The following SPMIP2 variants were observed in gnomAD, a reference collection of about 807,000 sequenced individuals.
The protein encoded by SPMIP2 is protein SPMIP2.
At chr4:158,976,843 G>T in the SPMIP2 span, among the ~76,000 whole-genome samples, 1 of 151,790 alleles carries the variant, frequency 6.6e-6, no homozygotes, top group Non-Finnish European at 1.5e-5. Context: ...TCTATTTTTA[G>T]TAGAGACGGG....
chr4:158,946,822 T>C, the SPMIP2 span, among the ~76,000 whole-genome samples: 7 of 152,190 alleles, frequency 4.6e-5, no homozygotes, highest in Non-Finnish European at 1.0e-4. Flanking sequence ...ATCTCCCCAA[T>C]AGAAGGTAAA....
the SPMIP2 span, among the ~76,000 whole-genome samples, chr4:158,983,324 C>T: frequency 6.6e-6 from 1 of 151,700 alleles, no homozygotes; most frequent in Non-Finnish European, 1.5e-5. Context: ...CACAGAGATA[C>T]TCCTTGAGAA....
chr4:158,949,076 T>G, the SPMIP2 span, among the ~76,000 whole-genome samples: 1 of 152,204 alleles, frequency 6.6e-6, no homozygotes, highest in Admixed American at 6.5e-5. Context: ...TGTTCTACTT[T>G]TGAAGGATTA....
chr4:158,917,033 G>A, the SPMIP2 span, among the ~76,000 whole-genome samples: 2 of 152,094 alleles, frequency 1.3e-5, no homozygotes, highest in East Asian at 1.9e-4. Flanking sequence ...GGCAGAACAC[G>A]AGGTCAGGGG....
chr4:158,918,986 A>G, the SPMIP2 span, among the ~76,000 whole-genome samples: 16 of 152,236 alleles, frequency 1.1e-4, no homozygotes, highest in Non-Finnish European at 2.4e-4. Context: ...AGGGTCAGAT[A>G]CTTTTCGTTT....
chr4:158,933,764 A>G, the SPMIP2 span, among the ~76,000 whole-genome samples: 4 of 151,762 alleles, frequency 2.6e-5, no homozygotes, highest in Admixed American at 1.3e-4. Flanking sequence ...TTCCTTTACC[A>G]TTGGTATTTT....
At chr4:159,077,287 C>T in the SPMIP2 span, among the ~76,000 whole-genome samples, 4 of 152,192 alleles carry the variant, frequency 2.6e-5, no homozygotes, top group African/African-American at 9.6e-5. Context: ...GCTGGGATTA[C>T]AGGTGCCTGC....
At chr4:158,902,517 G>A in the SPMIP2 span, among the ~76,000 whole-genome samples, 3 of 152,220 alleles carry the variant, frequency 2.0e-5, no homozygotes, top group African/African-American at 7.2e-5. Flanking sequence ...AACGCTGTGT[G>A]GGGGATCCAC....
At chr4:158,914,662 TCTC>T in the SPMIP2 span, among the ~76,000 whole-genome samples, 3 of 152,164 alleles carry the variant, frequency 2.0e-5, no homozygotes, top group African/African-American at 7.2e-5. Flanking sequence ...ATTCTTTAAT[TCTC>T]CTCCTAACTC....
At chr4:158,976,914 C>G in the SPMIP2 span, among the ~76,000 whole-genome samples, 49,631 of 151,870 alleles carry the variant, frequency 0.33, 8,263 homozygotes, top group South Asian at 0.41. Flanking sequence ...CCTGCCTCAG[C>G]CTCCCAAAGT....
the SPMIP2 span, among the ~76,000 whole-genome samples, chr4:158,946,741 C>T: frequency 6.6e-6 from 1 of 152,178 alleles, no homozygotes; most frequent in East Asian, 1.9e-4. Flanking sequence ...ATGCATCTTG[C>T]ATTTCTCCCT....
At chr4:158,965,439 T>C in the SPMIP2 span, among the ~76,000 whole-genome samples, 1 of 152,318 alleles carries the variant, frequency 6.6e-6, no homozygotes, top group Admixed American at 6.5e-5. Flanking sequence ...TCACTATGTG[T>C]GCTCAGTGCA....
At chr4:159,031,955 C>T in the SPMIP2 span, among the ~76,000 whole-genome samples, 6 of 152,186 alleles carry the variant, frequency 3.9e-5, no homozygotes, top group Non-Finnish European at 8.8e-5. Context: ...GTTGTGGTGG[C>T]TCATGCCTGT....
At chr4:158,966,016 T>A in the SPMIP2 span, among the ~76,000 whole-genome samples, 1,207 of 152,336 alleles carry the variant, frequency 7.9e-3, 17 homozygotes, top group African/African-American at 0.027. Flanking sequence ...CTGACAATAA[T>A]CACACTAAAC....
At chr4:158,940,553 TTCC>T in the SPMIP2 span, among the ~76,000 whole-genome samples, 1 of 91,634 alleles carries the variant, frequency 1.1e-5, no homozygotes. Context: ...AATTCTGTTG[TTCC>T]TTCTTTTTTT....
the SPMIP2 span, among the ~76,000 whole-genome samples, chr4:158,933,768 G>T: frequency 7.1e-3 from 1,074 of 151,604 alleles, 14 homozygotes; most frequent in African/African-American, 0.025. Context: ...TTTACCATTG[G>T]TATTTTCTAG....
At chr4:159,017,480 T>C in the SPMIP2 span, among the ~76,000 whole-genome samples, 6 of 152,088 alleles carry the variant, frequency 3.9e-5, no homozygotes, top group Non-Finnish European at 7.4e-5. Context: ...TCTCACTTCA[T>C]TGCCCAAGCT....
At chr4:158,957,442 T>C in the SPMIP2 span, among the ~76,000 whole-genome samples, 1 of 151,340 alleles carries the variant, frequency 6.6e-6, no homozygotes, top group Admixed American at 6.6e-5. Context: ...CTTTTTTCTT[T>C]TTTTGAGACA....
the SPMIP2 span, among the ~76,000 whole-genome samples, chr4:158,954,343 A>G: frequency 8.6e-5 from 5 of 58,428 alleles, no homozygotes; most frequent in Non-Finnish European, 1.3e-4. Context: ...TGCTGGTACC[A>G]GGTAAGAAGT....
Sources: gnomAD v4.1 joint callset for allele counts (sites outside exome capture counted in the v4.1 genomes callset) on GRCh38, gnomAD v4.1.1 for gene constraint, MANE v1.5 for transcripts, NCBI Gene and HGNC (gene_info 2026-07-23, HGNC 2026-07-21) for gene names.